CAMKMT: variants seen among roughly 807,000 people sequenced by gnomAD.
CAMKMT encodes the protein CaM KMT.
Under a neutral mutation model 48.0 loss-of-function variants are expected in CAMKMT, and 53 were observed. That is an observed-to-expected ratio of 1.10 (90% confidence interval 0.89 to 1.39). The LOEUF is 1.39. Among genes scored for constraint, CAMKMT ranks in the 40% most tolerant of loss-of-function variants. The pLI, the probability that CAMKMT is intolerant of heterozygous loss-of-function variation, is 0.00. For synonymous variants in CAMKMT, 165 were observed against 152.3 expected (o/e 1.08, Z -0.61); for missense variants, 428 against 402.7 (o/e 1.06, Z -0.54).
Position 44,627,654 on chromosome 2 carries a change from A to G in CAMKMT, c.377-76629A>G, listed in dbSNP as rs543645085. On this transcript the variant is annotated intron_variant, in intron 3 of 10. Transcript: ENST00000378494. Reference sequence around the variant, plus strand: ...ATTTGTCTATTTCATGTAATTTTCCAAACTTATTAGCATAAACTTATTTAT... The same window carrying G: ...ATTTGTCTATTTCATGTAATTTTCCGAACTTATTAGCATAAACTTATTTAT... Among the ~76,000 whole-genome samples the G allele has an allele frequency of 8.7e-5, 13 of 150,054 alleles. No homozygotes were observed. The South Asian group carries it at 1.9e-3, about 22-fold the overall frequency.
At chr2:44,639,469 C>T (rs968988657) in intron 3 of CAMKMT, among the ~76,000 whole-genome samples, 7 of 152,202 alleles carry the variant, frequency 4.6e-5, no homozygotes, top group African/African-American at 1.7e-4. Flanking sequence ...GCAAATTAAT[C>T]TATGCGCTTC....
Position 44,754,107 on chromosome 2 carries a change from C to T in CAMKMT, c.751C>T (p.Leu251Phe). 1 of 1,613,394 alleles carries T rather than the reference C, an allele frequency of 6.2e-7. No individual in the cohort carries two copies. Among genetic ancestry groups the T allele is most frequent in the Non-Finnish European group, 8.5e-7 (1 of 1,179,338 alleles). The change falls in exon 9 of 11, where the codon CTC (leucine) becomes TTC (phenylalanine). Residue 251 changes from leucine (L) to phenylalanine (F), a missense_variant. Leu to Phe is a conservative substitution (Grantham distance 22). Coordinates refer to ENST00000378494, the MANE Select transcript of CAMKMT (RefSeq NM_024766.5). ...CCTTGTTGATGCAATAAAGAGATTACTCCAGCCCAGGGTAAGTATGTTTCT... is the reference window on the plus strand; with the variant it reads ...CCTTGTTGATGCAATAAAGAGATTATTCCAGCCCAGGGTAAGTATGTTTCT... Reference protein sequence around the residue: ...ASLVDAIKRLLQPRGKAMVFA... With the variant: ...ASLVDAIKRLFQPRGKAMVFA...
At chr2:44,737,271 A>G (rs187020053) in intron 7 of CAMKMT, among the ~76,000 whole-genome samples, 1 of 152,154 alleles carries the variant, frequency 6.6e-6, no homozygotes, top group East Asian at 1.9e-4. Context: ...ATGCACCACC[A>G]TGCTCATCTA....
chr2:44,484,693 A>C (rs1669130972), intron 3 of CAMKMT, among the ~76,000 whole-genome samples: 1 of 11,974 alleles, frequency 8.4e-5, no homozygotes, highest in Non-Finnish European at 2.1e-4. Flanking sequence ...AAATAGGACA[A>C]AAAAAAAAAA....
At chr2:44,593,319 C>A (rs1040172438) in intron 3 of CAMKMT, among the ~76,000 whole-genome samples, 1 of 152,182 alleles carries the variant, frequency 6.6e-6, no homozygotes, top group Non-Finnish European at 1.5e-5. Context: ...TTTCCCTGGC[C>A]TCCTGTAGTT....
intron 9 of CAMKMT, among the ~76,000 whole-genome samples, chr2:44,765,243 A>G (rs1680788843): frequency 6.6e-6 from 1 of 151,986 alleles, no homozygotes; most frequent in Admixed American, 6.5e-5. Flanking sequence ...AAAAATGTCT[A>G]AAGGAGATGA....
At chr2:44,678,269 G>C (rs1425824018) in intron 3 of CAMKMT, among the ~76,000 whole-genome samples, 3 of 152,178 alleles carry the variant, frequency 2.0e-5, no homozygotes, top group African/African-American at 7.2e-5. Context: ...ATTTTGAAAT[G>C]TTAAGTAAAT....
intron 3 of CAMKMT, among the ~76,000 whole-genome samples, chr2:44,610,582 A>G (rs1671542250): frequency 6.6e-6 from 1 of 152,242 alleles, no homozygotes; most frequent in Non-Finnish European, 1.5e-5. Flanking sequence ...CCTTTCAACT[A>G]AACTGACAAG....
At chr2:44,715,173 A>G (rs956581200) in intron 6 of CAMKMT, 114 bp from the exon 7 acceptor site, 54 of 642,140 alleles carry the variant, frequency 8.4e-5, no homozygotes, top group Non-Finnish European at 1.2e-4. Context: ...AGCCTGGGCA[A>G]CAGAGCGAGA....
At chr2:44,573,967 C>T (rs963297287) in intron 3 of CAMKMT, among the ~76,000 whole-genome samples, 25 of 152,146 alleles carry the variant, frequency 1.6e-4, no homozygotes, top group Admixed American at 6.5e-4. Context: ...TCTGATAGGG[C>T]AGGTCCCTTC....
chr2:44,762,709 A>G (rs545878254), intron 9 of CAMKMT, among the ~76,000 whole-genome samples: 4 of 152,228 alleles, frequency 2.6e-5, no homozygotes, highest in South Asian at 4.2e-4. Flanking sequence ...CCAGAAGTAC[A>G]CTCCCTTTAA....
In CAMKMT at chr2:44,362,096, C is replaced by G; in HGVS notation, c.89C>G (p.Pro30Arg). The G allele has an allele frequency of 6.8e-7, 1 of 1,465,182 alleles. No individual in the cohort carries two copies. Among genetic ancestry groups the G allele is most frequent in the Non-Finnish European group, 8.9e-7 (1 of 1,119,424 alleles). 90.8% of individuals were successfully genotyped at this position (1,465,182 alleles called of 1,614,324 possible). Residue 30 changes from proline (P) to arginine (R), a missense_variant, in exon 1 of 11, where the codon CCC (proline) becomes CGC (arginine). Physicochemically the swap from Pro to Arg is moderately radical, Grantham distance 103. Coordinates refer to ENST00000378494, the MANE Select transcript of CAMKMT (RefSeq NM_024766.5). ...GCAGTTGGCTGCACCACTCGGGGGC[C>G]CGTAGTCTCGGCGCCCCTGGGAGCC... ...SPAVGCTTRG[P>R]VVSAPLGAAR...
At chr2:44,391,541 G>A (rs2104417403) in intron 3 of CAMKMT, among the ~76,000 whole-genome samples, 1 of 152,118 alleles carries the variant, frequency 6.6e-6, no homozygotes, top group African/African-American at 2.4e-5. Context: ...TACTCTTTTA[G>A]TTCTGGGGTA....
At chr2:44,507,772 G>C (rs1008965897) in intron 3 of CAMKMT, among the ~76,000 whole-genome samples, 19 of 152,184 alleles carry the variant, frequency 1.2e-4, no homozygotes, top group Admixed American at 1.0e-3. Context: ...GAGTTTAGCA[G>C]CTTGTACCAG....
chr2:44,415,303 A>G (rs893573949), intron 3 of CAMKMT, among the ~76,000 whole-genome samples: 1 of 152,196 alleles, frequency 6.6e-6, no homozygotes, highest in Admixed American at 6.5e-5. Context: ...AAAGAAAATG[A>G]CTTGTTTTTA....
chr2:44,731,373 C>A (rs2104345481), intron 7 of CAMKMT, among the ~76,000 whole-genome samples: 1 of 152,136 alleles, frequency 6.6e-6, no homozygotes, highest in African/African-American at 2.4e-5. Flanking sequence ...AGGACTCACT[C>A]CCCTACAGCC....
At chr2:44,512,749 G>A (rs900311586) in intron 3 of CAMKMT, among the ~76,000 whole-genome samples, 1 of 152,130 alleles carries the variant, frequency 6.6e-6, no homozygotes, top group Admixed American at 6.5e-5. Context: ...AACTTACAAT[G>A]GGCTTCATTA....
intron 3 of CAMKMT, among the ~76,000 whole-genome samples, chr2:44,491,324 T>A (rs1231509180): frequency 6.6e-6 from 1 of 152,070 alleles, no homozygotes; most frequent in Non-Finnish European, 1.5e-5. Flanking sequence ...TCAAAAAAAA[T>A]AATAAAATTG....
At chr2:44,431,563 T>C (rs114279773) in intron 3 of CAMKMT, among the ~76,000 whole-genome samples, 2 of 152,340 alleles carry the variant, frequency 1.3e-5, no homozygotes, top group African/African-American at 2.4e-5. Context: ...TAAATCTTGC[T>C]GTGTCACAGG....
Sources: allele counts gnomAD v4.1 joint callset (sites outside exome capture counted in the v4.1 genomes callset), GRCh38; gene constraint gnomAD v4.1.1; transcripts MANE v1.5; gene names NCBI Gene and HGNC (gene_info 2026-07-23, HGNC 2026-07-21).